Variants in PATJ observed in about 807,000 individuals in gnomAD.
PATJ encodes the protein PATJ crumbs cell polarity complex component, also known as inaD-like protein.
PATJ carries 190 observed loss-of-function variants against 224.9 expected under a neutral mutation model. The ratio of observed to expected loss-of-function variants is 0.84; its 90% CI spans 0.75 to 0.95. The LOEUF is 0.95. PATJ is among the 40% of genes least tolerant of loss of function. The pLI is 0.00. For synonymous variants in PATJ, 769 were observed against 820.3 expected, an observed-to-expected ratio of 0.94 and a Z score of 1.07; for missense variants, 2,121 against 2,270.3, an observed-to-expected ratio of 0.93 and a Z score of 1.34.
intron 22 of PATJ, among the ~76,000 whole-genome samples, chr1:61,889,527 G>A (rs925265137): frequency 3.9e-5 from 6 of 152,168 alleles, no homozygotes; most frequent in Admixed American, 1.3e-4. Context: ...TTTTCTGTAC[G>A]TACATACTTA....
intron 34 of PATJ, among the ~76,000 whole-genome samples, chr1:62,109,114 T>C (rs1024588294): frequency 1.3e-5 from 2 of 152,100 alleles, no homozygotes; most frequent in African/African-American, 4.8e-5. Context: ...GCAGGCAATG[T>C]CTGCACTATG....
chr1:62,010,821 A>G (rs1299984526), intron 28 of PATJ, among the ~76,000 whole-genome samples: 3 of 152,186 alleles, frequency 2.0e-5, no homozygotes, highest in Admixed American at 2.0e-4. Flanking sequence ...ATGAAAGGCT[A>G]TTGTTGAAAA....
At chr1:61,846,091 C>A (rs1353230705) in intron 17 of PATJ, 1 of 152,120 alleles carries the variant, frequency 6.6e-6, no homozygotes, top group Non-Finnish European at 1.5e-5. Context: ...TCTTTTCCAT[C>A]ATAATTCTCA....
At chr1:61,871,862 C>CTT (rs371028820) in intron 20 of PATJ, among the ~76,000 whole-genome samples, 247 of 130,798 alleles carry the variant, frequency 1.9e-3, no homozygotes, top group African/African-American at 4.1e-3. Context: ...CCACGTCTGG[C>CTT]TTTTTTTTTT....
At chr1:62,011,791 TCAAGGTG>T (rs1319989254) in intron 28 of PATJ, among the ~76,000 whole-genome samples, 1 of 151,970 alleles carries the variant, frequency 6.6e-6, no homozygotes, top group African/African-American at 2.4e-5. Context: ...ATGTTATTGT[TCAAGGTG>T]CAATTTGTTT....
At chr1:61,991,211 T>TGAC (rs982323186) in intron 28 of PATJ, among the ~76,000 whole-genome samples, 1 of 143,828 alleles carries the variant, frequency 7.0e-6, no homozygotes, top group African/African-American at 2.5e-5. Flanking sequence ...ATGATGATGA[T>TGAC]GATGATGACA....
intron 26 of PATJ, among the ~76,000 whole-genome samples, chr1:61,919,583 G>A (rs1318696089): frequency 1.3e-5 from 2 of 152,026 alleles, no homozygotes; most frequent in Non-Finnish European, 2.9e-5. Context: ...GGGGTTACAG[G>A]TTTGAGCCAC....
At chr1:61,976,972 T>C (rs1644170592) in intron 27 of PATJ, among the ~76,000 whole-genome samples, 1 of 152,146 alleles carries the variant, frequency 6.6e-6, no homozygotes, top group African/African-American at 2.4e-5. Flanking sequence ...ATCATAATTT[T>C]TTGGTTTTTC....
intron 14 of PATJ, 81 bp from the exon 15 acceptor site, chr1:61,822,864 C>A: frequency 1.3e-6 from 2 of 1,523,208 alleles, no homozygotes; most frequent in South Asian, 1.3e-5. Context: ...GGGTTTTTCA[C>A]TTCAAAATAG....
chr1:62,016,108 G>A (rs984452157), intron 28 of PATJ, among the ~76,000 whole-genome samples: 7 of 152,148 alleles, frequency 4.6e-5, no homozygotes, highest in African/African-American at 4.8e-5. Context: ...TGATCTTGGT[G>A]CAGAACGAAA....
rs562706188 is a variant in PATJ, at chr1:61,758,769, T to C, written c.-35-4089T>C. ...TTCTGTTGTGGGAATCTCTAGTTTT[T>C]GTTGTTGTTGTTTTTTAAAGAGTCA... is the stretch of plus-strand genomic sequence containing the variant. On this transcript the variant is annotated intron_variant, in intron 1 of 43. Transcript: ENST00000642238. 9.9e-4 allele frequency among the ~76,000 whole-genome samples: 100 copies of C among 100,820 alleles called. No homozygotes were observed. In the South Asian group the frequency reaches 0.014, roughly 15 times the overall value. 66.1% of individuals were successfully genotyped at this position (100,820 alleles called of 152,430 possible).
In PATJ at chr1:62,160,372, T is replaced by C. The variant is rs187137233; in HGVS notation, c.5503-536T>C. Among the ~76,000 whole-genome samples, 292 of 152,292 alleles carry C rather than the reference T, an allele frequency of 1.9e-3. 3 individuals are homozygous for C. The highest frequency in any genetic ancestry group is 6.6e-3 in the African/African-American group (275 of 41,564). ...TTACAAAATTTTAGAGATGCTACAC[T>C]CGTATATATTTATATGTAGATAACA... On this transcript the variant is annotated intron_variant, in intron 43 of 43. Coordinates refer to ENST00000642238, the MANE Select transcript of PATJ (RefSeq NM_001350145.3).
At chr1:61,807,047 G>T (rs1653717786) in intron 13 of PATJ, among the ~76,000 whole-genome samples, 1 of 152,084 alleles carries the variant, frequency 6.6e-6, no homozygotes, top group African/African-American at 2.4e-5. Context: ...AGCTACTCAG[G>T]AGGCTGAGGC....
At chr1:61,784,958 C>T (rs1277048418) in intron 7 of PATJ, among the ~76,000 whole-genome samples, 3 of 152,214 alleles carry the variant, frequency 2.0e-5, no homozygotes, top group African/African-American at 7.2e-5. Flanking sequence ...CTTCTCTACA[C>T]TTCCAGTCCC....
At chr1:61,935,333 T>A (rs998992917) in intron 27 of PATJ, among the ~76,000 whole-genome samples, 2 of 152,228 alleles carry the variant, frequency 1.3e-5, no homozygotes, top group African/African-American at 4.8e-5. Flanking sequence ...CCTTCCTTTA[T>A]ACTTTAATTT....
Position 62,153,346 on chromosome 1 carries a change from T to C in PATJ, c.5379-12T>C, listed in dbSNP as rs1308650098. 8 of 1,229,782 alleles carry C rather than the reference T, an allele frequency of 6.5e-6. No homozygotes were observed. The highest frequency in any genetic ancestry group is 3.1e-5 in the African/African-American group (2 of 64,352). The allele number at this position is 1,229,782 out of a possible 1,614,324, so 76.2% of individuals were successfully genotyped here. On this transcript the variant is annotated splice_polypyrimidine_tract_variant and intron_variant, in intron 42 of 43. Transcript: ENST00000642238. ...CTATTCTCGAATTAAACAGCATGCA[T>C]TGTGTTTTCAGAACACCTCCACCTA... is the stretch of plus-strand genomic sequence containing the variant.
At chr1:62,117,485 A>C in intron 37 of PATJ, 1 of 1,095,848 alleles carries the variant, frequency 9.1e-7, no homozygotes, top group Non-Finnish European at 1.2e-6. Context: ...CTATGCACGC[A>C]TGTACACAGC....
At chr1:61,852,131 A>G (rs1402257460) in intron 17 of PATJ, among the ~76,000 whole-genome samples, 1 of 151,622 alleles carries the variant, frequency 6.6e-6, no homozygotes, top group African/African-American at 2.4e-5. Flanking sequence ...AAAAAAAAAA[A>G]AAAAAAAAAA....
intron 14 of PATJ, among the ~76,000 whole-genome samples, chr1:61,813,415 A>G (rs12734996): frequency 3.4e-5 from 5 of 146,140 alleles, no homozygotes; most frequent in Non-Finnish European, 6.0e-5. Context: ...ACATATACAT[A>G]TTTGTACTCA....
Sources: allele counts gnomAD v4.1 joint callset (sites outside exome capture counted in the v4.1 genomes callset), GRCh38; gene constraint gnomAD v4.1.1; transcripts MANE v1.5; gene names NCBI Gene and HGNC (gene_info 2026-07-23, HGNC 2026-07-21).